Variants in RPL17 observed in about 807,000 individuals in gnomAD.
RPL17 encodes the protein large ribosomal subunit protein uL22.
RPL17 carries 2 observed loss-of-function variants against 27.7 expected under a neutral mutation model. The observed-to-expected ratio is 0.07, with a 90% confidence interval of 0.03 to 0.23. The LOEUF is 0.23. Among genes scored for constraint, RPL17 ranks in the 10% least tolerant of loss-of-function variants. The pLI is 1.00. For missense variants in RPL17, 141 were observed against 238.8 expected (o/e 0.59, Z 2.70); for synonymous variants, 76 against 75.5 (o/e 1.01, Z -0.03).
chr18:49,491,735 C>CT, intron 1 of RPL17, 151 bp from the exon 2 acceptor site: 1 of 1,011,726 alleles, frequency 9.9e-7, no homozygotes, highest in Non-Finnish European at 1.6e-6. Flanking sequence ...CGCAGCCATA[C>CT]TTTCCCCCAC....
At chr18:49,490,604 A>T in intron 4 of RPL17, 52 bp from the exon 5 acceptor site, 1 of 1,610,292 alleles carries the variant, frequency 6.2e-7, no homozygotes, top group Non-Finnish European at 8.5e-7. Flanking sequence ...AATTAACATT[A>T]CAGCCAAGAT....
chr18:49,489,602 A>C, intron 5 of RPL17, 52 bp from the exon 6 acceptor site: 2 of 1,557,060 alleles, frequency 1.3e-6, no homozygotes, highest in South Asian at 1.1e-5. Flanking sequence ...AATTAGTAAA[A>C]CACCACAAAC....
chr18:49,491,279 G>C, intron 3 of RPL17, 126 bp downstream of exon 3: 1 of 1,412,158 alleles, frequency 7.1e-7, no homozygotes, highest in Non-Finnish European at 1.0e-6. Flanking sequence ...CTAAATATAA[G>C]GTGGCTGCTC....
chr18:49,488,960 G>A (rs1250543746), intron 6 of RPL17, among the ~76,000 whole-genome samples: 2 of 151,456 alleles, frequency 1.3e-5, no homozygotes, highest in African/African-American at 2.4e-5. Context: ...GTGCAGTGGC[G>A]CGATCTCGGC....
In RPL17 at chr18:49,491,748, A is replaced by G. The variant is rs532991174; in HGVS notation, c.-13-164T>C. ...ATCGCAGCCATACTTTCCCCCACCAAGGGCTTGCTTTCCCTTTTATCTTCC... is the reference window on the plus strand; with the variant it reads ...ATCGCAGCCATACTTTCCCCCACCAGGGGCTTGCTTTCCCTTTTATCTTCC... On this transcript the variant is annotated intron_variant, in intron 1 of 6. Transcript: ENST00000580261. 4.1e-5 allele frequency: 39 copies of G among 942,284 alleles called. No individual in the cohort carries two copies. The African/African-American group carries it at 5.6e-4, about 14-fold the overall frequency. The allele number at this position is 942,284 out of a possible 1,614,324, so 58.4% of individuals were successfully genotyped here. A position where few individuals can be genotyped will look rare whatever the true frequency, so the allele number is the denominator to read the frequency against.
In RPL17 at chr18:49,491,521, T is replaced by C. The variant is rs371607280; in HGVS notation, c.40+11A>G. Reference sequence around the variant, plus strand: ...AAGTAGGAAATGGGTATCTACCTCCTGTCCACTTACATTTCGTGGGGTTCT... The same window carrying C: ...AAGTAGGAAATGGGTATCTACCTCCCGTCCACTTACATTTCGTGGGGTTCT... On this transcript the variant is annotated intron_variant, in intron 2 of 6. Coordinates refer to ENST00000580261, the MANE Select transcript of RPL17 (RefSeq NM_001035006.5). 13 of 1,614,244 alleles carry C rather than the reference T, an allele frequency of 8.1e-6. No homozygotes were observed. In the East Asian group the frequency reaches 2.0e-4, roughly 25 times the overall value.
chr18:49,491,851 G>T, intron 1 of RPL17: 1 of 629,190 alleles, frequency 1.6e-6, no homozygotes, highest in South Asian at 1.5e-5. Context: ...AGAAAATACA[G>T]CCTGTTTCAA....
chr18:49,490,597 T>C, intron 4 of RPL17, 45 bp from the exon 5 acceptor site: 2 of 1,611,704 alleles, frequency 1.2e-6, no homozygotes, highest in Non-Finnish European at 1.7e-6. Context: ...TGATTTAAAT[T>C]AACATTACAG....
intron 4 of RPL17, 42 bp downstream of exon 4, chr18:49,490,751 C>T (rs1390522975): frequency 1.2e-6 from 2 of 1,612,576 alleles, no homozygotes; most frequent in Non-Finnish European, 1.7e-6. Context: ...ATCACTTTTC[C>T]ATTAAAATCT....
intron 1 of RPL17, chr18:49,492,043 G>A (rs2084145314): frequency 6.2e-6 from 2 of 321,190 alleles, no homozygotes; most frequent in Non-Finnish European, 1.2e-5. Flanking sequence ...GAGCCCTCCT[G>A]TACGCAACAC....
chr18:49,491,361 G>C, intron 3 of RPL17, 44 bp downstream of exon 3: 1 of 1,613,912 alleles, frequency 6.2e-7, no homozygotes, highest in Non-Finnish European at 8.5e-7. Context: ...CCTTTTTTGA[G>C]TGGAACATGA....
intron 6 of RPL17, 21 bp from the exon 7 acceptor site, chr18:49,488,587 TAA>T (rs1316724289): frequency 6.7e-7 from 1 of 1,493,162 alleles, no homozygotes; most frequent in Non-Finnish European, 9.3e-7. Context: ...AAAAATGTGT[TAA>T]GTTTCTTAGA....
intron 1 of RPL17, chr18:49,491,983 G>C: frequency 2.8e-6 from 1 of 362,558 alleles, no homozygotes; most frequent in Non-Finnish European, 5.4e-6. Context: ...CAGGGCTGCA[G>C]GTAGTGAGTG....
intron 3 of RPL17, 56 bp downstream of exon 3, chr18:49,491,349 T>C: frequency 2.5e-6 from 4 of 1,612,826 alleles, no homozygotes; most frequent in Non-Finnish European, 3.4e-6. Context: ...TCACTGCAGC[T>C]ACCTTTTTTG....
rs560435650 is a variant in RPL17 at position 49,492,454 on chromosome 18, T to C, written c.-14+4A>G. On this transcript the variant is annotated splice_donor_region_variant and intron_variant, in intron 1 of 6. Coordinates refer to ENST00000580261, the MANE Select transcript of RPL17 (RefSeq NM_001035006.5). ...CCTCGGAGCAACGCAGGAGAAACAC[T>C]CACCTCAGGCTGCTTAGGGAAAGAG... The C allele has an allele frequency of 5.9e-5, 9 of 152,418 alleles. No individual in the cohort carries two copies. The highest frequency in any genetic ancestry group is 4.1e-4 in the South Asian group (2 of 4,830). 9.4% of individuals were successfully genotyped at this position (152,418 alleles called of 1,614,324 possible). A position where few individuals can be genotyped will look rare whatever the true frequency, so the allele number is the denominator to read the frequency against.
Position 49,491,401 on chromosome 18 carries a change from A to G in RPL17, c.81+4T>C, listed in dbSNP as rs1568504096. 1 of 1,614,070 alleles carries G rather than the reference A, an allele frequency of 6.2e-7. No homozygotes were observed. Among genetic ancestry groups the G allele is most frequent in the African/African-American group, 1.3e-5 (1 of 74,924 alleles). On this transcript the variant is annotated splice_donor_region_variant and intron_variant, in intron 3 of 6. Coordinates refer to ENST00000580261, the MANE Select transcript of RPL17 (RefSeq NM_001035006.5). Reference sequence around the variant, plus strand: ...CTGTTGGATCACAACTATGAATCGCATACCTTAAAGTGAACACGAAGATTG... The same window carrying G: ...CTGTTGGATCACAACTATGAATCGCGTACCTTAAAGTGAACACGAAGATTG...
Position 49,488,550 on chromosome 18 carries a change from A to C in RPL17, c.524T>G (p.Leu175Arg). ...CCGTGCCATAAGTTTTTGTTTCTTCAGTTTCTTCTGGGATATCTGGGGAAA... is the reference window on the plus strand; with the variant it reads ...CCGTGCCATAAGTTTTTGTTTCTTCCGTTTCTTCTGGGATATCTGGGGAAA... ...AQKKKISQKK[L>R]KKQKLMARE The change falls in exon 7 of 7, where the codon CTG (leucine) becomes CGG (arginine). Residue 175 changes from leucine to arginine, a missense_variant. Leu to Arg is a moderately radical substitution (Grantham distance 102, BLOSUM62 -2). Coordinates refer to ENST00000580261, the MANE Select transcript of RPL17 (RefSeq NM_001035006.5). 1.9e-6 allele frequency: 3 copies of C among 1,567,042 alleles called. No individual in the cohort carries two copies. The highest frequency in any genetic ancestry group is 2.6e-6 in the Non-Finnish European group (3 of 1,138,448).
intron 6 of RPL17, 49 bp from the exon 7 acceptor site, chr18:49,488,615 T>C (rs2083825146): frequency 8.9e-7 from 1 of 1,121,988 alleles, no homozygotes; most frequent in Non-Finnish European, 1.4e-6. Context: ...CCACAGTACA[T>C]CTTGGAGGAC....
intron 1 of RPL17, chr18:49,491,849 C>T (rs1224679589): frequency 9.5e-6 from 6 of 629,302 alleles, no homozygotes; most frequent in East Asian, 3.1e-5. Context: ...GAAGAAAATA[C>T]AGCCTGTTTC....
Sources: gnomAD v4.1 joint callset for allele counts (sites outside exome capture counted in the v4.1 genomes callset) on GRCh38, gnomAD v4.1.1 for gene constraint, MANE v1.5 for transcripts, NCBI Gene and HGNC (gene_info 2026-07-23, HGNC 2026-07-21) for gene names.